Variants in BTK observed in about 807,000 individuals in gnomAD.
BTK encodes the protein Bruton tyrosine kinase.
BTK carries 5 observed loss-of-function variants against 57.4 expected under a neutral mutation model. The ratio of observed to expected loss-of-function variants is 0.09; its 90% CI spans 0.05 to 0.18. The LOEUF (loss-of-function observed/expected upper bound fraction) is 0.18, where lower values mean the gene tolerates loss of function less well. BTK is among the 10% of genes least tolerant of loss of function. The pLI, the probability that BTK is intolerant of heterozygous loss-of-function variation, is 1.00. For missense variants in BTK, 194 were observed against 501.2 expected, an observed-to-expected ratio of 0.39 and a Z score of 5.85; for synonymous variants, 154 against 174.3, an observed-to-expected ratio of 0.88 and a Z score of 0.92.
upstream of BTK, chrX:101,390,718 G>C (rs1319603734): frequency 6.6e-6 from 3 of 457,815 alleles, no homozygotes; most frequent in African/African-American, 7.2e-5. Context: ...GGGGAGGCCA[G>C]AGGATCTGGG....
intron 15 of BTK, among the ~76,000 whole-genome samples, chrX:101,355,300 A>G (rs1926433080): frequency 8.9e-6 from 1 of 112,107 alleles, no homozygotes; most frequent in African/African-American, 3.2e-5. Flanking sequence ...ACAAAACAAA[A>G]CAAACAAAAA....
chrX:101,356,023 G>A lies in BTK; in HGVS notation c.1566+29C>T, dbSNP rs782173857. On this transcript the variant is annotated intron_variant, in intron 15 of 18. Coordinates refer to ENST00000308731, the MANE Select transcript of BTK (RefSeq NM_000061.3). ...GCTACTTCCACCCCATCAGCCCTTT[G>A]TCCTAGGCCAATCCTTCTAAGGTCC... is the stretch of plus-strand genomic sequence containing the variant. 1.0e-5 allele frequency: 12 copies of A among 1,191,033 alleles called. No homozygotes were observed. The African/African-American group carries it at 1.6e-4, about 16-fold the overall frequency.
At position 101,362,604 on chromosome X, in the gene BTK, G is replaced by C; in HGVS notation, c.477C>G (p.Ala159=). The change falls in exon 6 of 19, where the codon GCC becomes GCG. Residue 159 remains alanine (A), a synonymous_variant. Coordinates refer to ENST00000308731, the MANE Select transcript of BTK (RefSeq NM_000061.3). ...DGQYLCCSQT[A]KNAMGCQILE... is the part of the protein sequence containing the mutation. The stretch of plus-strand genomic sequence containing the variant: ...AAATTTGGCAGCCCATAGCATTTTT[G>C]GCTGTCTGAGAGCAGCAGAGATACT... The C allele has an allele frequency of 8.3e-7, 1 of 1,211,734 alleles. No homozygotes were observed. Among genetic ancestry groups the C allele is most frequent in the Non-Finnish European group, 1.1e-6 (1 of 895,401 alleles).
chrX:101,357,023 C>T, intron 13 of BTK, 68 bp from the exon 14 acceptor site: 1 of 1,122,036 alleles, frequency 8.9e-7, no homozygotes, highest in Non-Finnish European at 1.2e-6. Context: ...AGACAAAAAT[C>T]CCTACTGGGG....
At chrX:101,380,941 G>A (rs1293902492) in intron 1 of BTK, among the ~76,000 whole-genome samples, 1 of 103,970 alleles carries the variant, frequency 9.6e-6, no homozygotes, top group Non-Finnish European at 2.0e-5. Context: ...GGGAGGCAGA[G>A]GTTGCAGTGA....
chrX:101,353,053 G>A (rs188533193), intron 18 of BTK, 141 bp downstream of exon 18: 36 of 601,959 alleles, frequency 6.0e-5, no homozygotes, highest in Admixed American at 2.0e-4. Flanking sequence ...GTGAAAGAGC[G>A]AGACCTTGTC....
intron 18 of BTK, among the ~76,000 whole-genome samples, chrX:101,350,814 A>G: frequency 9.0e-6 from 1 of 111,715 alleles, no homozygotes. Context: ...TTAGTGGTTC[A>G]GGGAACATTC....
intron 2 of BTK, 123 bp from the exon 3 acceptor site, chrX:101,374,757 G>T: frequency 1.7e-6 from 1 of 599,054 alleles, no homozygotes; most frequent in South Asian, 2.5e-5. Flanking sequence ...TCATGTGGGG[G>T]AAGAAAAAAA....
chrX:101,355,945 T>G, intron 15 of BTK, 107 bp downstream of exon 15: 1 of 835,269 alleles, frequency 1.2e-6, no homozygotes, highest in Non-Finnish European at 1.8e-6. Context: ...TAGATAAAAT[T>G]GAAATGATGG....
At chrX:101,352,398 C>T (rs1287794420) in intron 18 of BTK, among the ~76,000 whole-genome samples, 2 of 111,619 alleles carry the variant, frequency 1.8e-5, no homozygotes, top group East Asian at 5.7e-4. Flanking sequence ...ACTAATGACA[C>T]TCTAGTGAGA....
chrX:101,353,790 T>C lies in BTK; in HGVS notation c.1750+80A>G, dbSNP rs370480362. On this transcript the variant is annotated intron_variant, in intron 17 of 18. Coordinates refer to ENST00000308731, the MANE Select transcript of BTK (RefSeq NM_000061.3). ...AATGAAAGCAAGAACAATATCTCTG[T>C]GGAGGTTGCAAAGTGTGAATTTTCC... The C allele has an allele frequency of 1.5e-4, 118 of 801,446 alleles. 4 individuals are homozygous for C. The East Asian group carries it at 1.8e-3, about 12-fold the overall frequency. The allele number at this position is 801,446 out of a possible 1,213,427, so 66.0% of individuals were successfully genotyped here. A position where few individuals can be genotyped will look rare whatever the true frequency, so the allele number is the denominator to read the frequency against.
chrX:101,367,246 G>GAAA (rs10632421), intron 5 of BTK, among the ~76,000 whole-genome samples: 5 of 91,035 alleles, frequency 5.5e-5, no homozygotes, highest in East Asian at 3.5e-4. Context: ...TCCATATCAA[G>GAAA]AAAAAAAAAA....
At chrX:101,385,411 C>T (rs782459198) in intron 1 of BTK, among the ~76,000 whole-genome samples, 19 of 112,252 alleles carry the variant, frequency 1.7e-4, no homozygotes, top group Non-Finnish European at 3.6e-4. Flanking sequence ...ACTGTCTGGG[C>T]TGAGGCAGAG....
chrX:101,381,493 C>T (rs1269811452), intron 1 of BTK, among the ~76,000 whole-genome samples: 2 of 111,754 alleles, frequency 1.8e-5, no homozygotes, highest in African/African-American at 3.3e-5. Flanking sequence ...GCATCCTTCA[C>T]GTTCTAACTG....
At chrX:101,378,600 A>T (rs1188143005) in intron 1 of BTK, among the ~76,000 whole-genome samples, 1 of 110,668 alleles carries the variant, frequency 9.0e-6, no homozygotes, top group Non-Finnish European at 1.9e-5. Flanking sequence ...ATGGGGGAGG[A>T]GAAAAAATAG....
intron 11 of BTK, 48 bp downstream of exon 11, chrX:101,358,569 G>C: frequency 8.5e-7 from 1 of 1,176,547 alleles, no homozygotes; most frequent in Non-Finnish European, 1.2e-6. Context: ...GCTATTAGGA[G>C]GGTACCCCTG....
At chrX:101,386,445 G>A (rs373650715), upstream of BTK, among the ~76,000 whole-genome samples, 2 of 110,114 alleles carry the variant, frequency 1.8e-5, no homozygotes, top group African/African-American at 6.6e-5. Flanking sequence ...GAGCAGACAG[G>A]TCATCAAGCT....
chrX:101,390,282 G>A (rs1489241072), upstream of BTK, among the ~76,000 whole-genome samples: 1 of 111,908 alleles, frequency 8.9e-6, no homozygotes, highest in Non-Finnish European at 1.9e-5. Context: ...GGGAAGAGCC[G>A]CTAGGTACTT....
At chrX:101,360,835 C>T (rs1337826514) in intron 7 of BTK, 80 bp from the exon 8 acceptor site, 2 of 960,688 alleles carry the variant, frequency 2.1e-6, no homozygotes, top group Admixed American at 2.2e-5. Flanking sequence ...CTCTGGCTTA[C>T]TCAAGACACC....
Sources: gnomAD v4.1 joint callset for allele counts (sites outside exome capture counted in the v4.1 genomes callset) on GRCh38, gnomAD v4.1.1 for gene constraint, MANE v1.5 for transcripts, NCBI Gene and HGNC (gene_info 2026-07-23, HGNC 2026-07-21) for gene names.